RSPO2: variants seen among roughly 807,000 people sequenced by gnomAD.
The protein encoded by RSPO2 is R-spondin 2.
RSPO2 carries 14 observed loss-of-function variants against 30.9 expected under a neutral mutation model. The observed-to-expected ratio is 0.45, with a 90% confidence interval of 0.30 to 0.71. RSPO2 has a LOEUF of 0.71. RSPO2 is among the 30% of genes least tolerant of loss of function. The probability of loss-of-function intolerance (pLI) is 0.08; values close to 1 mark genes in which losing one functional copy is unlikely to be tolerated. For synonymous variants in RSPO2, 107 were observed against 96.4 expected, an observed-to-expected ratio of 1.11 and a Z score of -0.64; for missense variants, 264 against 301.9, an observed-to-expected ratio of 0.87 and a Z score of 0.93.
chr8:107,999,717 G>T (rs1815164553), intron 2 of RSPO2, among the ~76,000 whole-genome samples: 1 of 152,110 alleles, frequency 6.6e-6, no homozygotes, highest in African/African-American at 2.4e-5. Flanking sequence ...TTACAGGCAT[G>T]AGCCACCGTG....
At chr8:108,037,582 T>G (rs551911861) in intron 2 of RSPO2, among the ~76,000 whole-genome samples, 2 of 152,200 alleles carry the variant, frequency 1.3e-5, no homozygotes, top group South Asian at 4.1e-4. Flanking sequence ...TTTTTAAATG[T>G]AGATTAAAAA....
chr8:108,074,191 G>C (rs13256880), intron 2 of RSPO2, among the ~76,000 whole-genome samples: 4 of 151,952 alleles, frequency 2.6e-5, no homozygotes, highest in Non-Finnish European at 5.9e-5. Context: ...AGTGCTCTTA[G>C]TATCTTTCAG....
intron 2 of RSPO2, among the ~76,000 whole-genome samples, chr8:108,080,383 C>T (rs1813156561): frequency 6.6e-6 from 1 of 152,072 alleles, no homozygotes; most frequent in South Asian, 2.1e-4. Flanking sequence ...CCAATTTACA[C>T]GTTCTTGAAA....
chr8:107,902,505 G>C (rs889079241), intron 5 of RSPO2, among the ~76,000 whole-genome samples: 1 of 152,072 alleles, frequency 6.6e-6, no homozygotes, highest in East Asian at 1.9e-4. Flanking sequence ...CTATGGAGAA[G>C]GAGGCTGATG....
At position 107,920,802 on chromosome 8, in the gene RSPO2, A is replaced by G. The variant is rs529083715; in HGVS notation, c.617-19612T>C. ...ACTATGGGAATTTTCTATATTATCA[A>G]TTACAACTGGTACATACCTGTATAT... On this transcript the variant is annotated intron_variant, in intron 5 of 5. Coordinates refer to ENST00000276659, the MANE Select transcript of RSPO2 (RefSeq NM_178565.5). Among the ~76,000 whole-genome samples, 52 of 152,260 alleles carry G rather than the reference A, an allele frequency of 3.4e-4. 1 individual carries two copies. The highest frequency in any genetic ancestry group is 1.2e-3 in the African/African-American group (51 of 41,582).
chr8:107,930,774 C>T (rs1350618003), intron 5 of RSPO2, among the ~76,000 whole-genome samples: 1 of 152,156 alleles, frequency 6.6e-6, no homozygotes, highest in Non-Finnish European at 1.5e-5. Flanking sequence ...GAAAGGCACA[C>T]ACATACCACC....
At chr8:108,075,051 T>A (rs1365104453) in intron 2 of RSPO2, among the ~76,000 whole-genome samples, 1 of 152,224 alleles carries the variant, frequency 6.6e-6, no homozygotes, top group East Asian at 1.9e-4. Flanking sequence ...TGTACTTATA[T>A]TATTAATATG....
At chr8:108,060,715 T>A (rs1202599888) in intron 2 of RSPO2, among the ~76,000 whole-genome samples, 1 of 151,484 alleles carries the variant, frequency 6.6e-6, no homozygotes, top group African/African-American at 2.4e-5. Context: ...GGAGAGCAAC[T>A]CCAAGACACG....
At chr8:107,932,962 G>T in intron 5 of RSPO2, among the ~76,000 whole-genome samples, 1 of 152,126 alleles carries the variant, frequency 6.6e-6, no homozygotes, top group East Asian at 1.9e-4. Context: ...TAAGAAAGTG[G>T]CAAGAAGATA....
chr8:108,035,699 C>T (rs934602774), intron 2 of RSPO2, among the ~76,000 whole-genome samples: 2 of 152,068 alleles, frequency 1.3e-5, no homozygotes, highest in Admixed American at 6.6e-5. Context: ...TTTCGATCTC[C>T]TGACCTCATG....
intron 2 of RSPO2, among the ~76,000 whole-genome samples, chr8:108,023,498 G>C (rs774522938): frequency 6.6e-6 from 1 of 152,150 alleles, no homozygotes; most frequent in African/African-American, 2.4e-5. Flanking sequence ...TTTGATTTTC[G>C]ATTCAGAGTT....
In RSPO2 at chr8:107,901,209, AAGAAG is replaced by A; in HGVS notation, c.617-24_617-20del. The A allele has an allele frequency of 2.5e-6, 4 of 1,600,720 alleles. No individual in the cohort carries two copies. Among genetic ancestry groups the A allele is most frequent in the Middle Eastern group, 1.7e-4 (1 of 6,004 alleles). On this transcript the variant is annotated intron_variant, in intron 5 of 5. Coordinates refer to ENST00000276659, the MANE Select transcript of RSPO2 (RefSeq NM_178565.5). ...CTCTTCCCTGCAATGAAGGAAAGAA[AAGAAG>A]AGATGTCAGAAATGGCTCTTTCTCT...
At chr8:108,051,284 G>C (rs994384505) in intron 2 of RSPO2, among the ~76,000 whole-genome samples, 1 of 152,116 alleles carries the variant, frequency 6.6e-6, no homozygotes, top group African/African-American at 2.4e-5. Flanking sequence ...ACCAAGTTGA[G>C]ACTGAACATG....
chr8:107,901,942 C>G (rs1811485959), intron 5 of RSPO2, among the ~76,000 whole-genome samples: 1 of 152,194 alleles, frequency 6.6e-6, no homozygotes, highest in Non-Finnish European at 1.5e-5. Context: ...TGAGGTTTTC[C>G]TCCAGCAGGA....
At chr8:108,057,435 T>C (rs932796404) in intron 2 of RSPO2, among the ~76,000 whole-genome samples, 1 of 152,178 alleles carries the variant, frequency 6.6e-6, no homozygotes, top group African/African-American at 2.4e-5. Context: ...ATTTTGGGCT[T>C]ATATTCATTT....
chr8:107,940,317 T>G (rs199820741), intron 5 of RSPO2, among the ~76,000 whole-genome samples: 16 of 9,992 alleles, frequency 1.6e-3, no homozygotes, highest in Non-Finnish European at 3.2e-3. Context: ...GTGTGTTTTA[T>G]TAACAGACAC....
chr8:107,952,289 G>GCACACACA (rs60942015), intron 5 of RSPO2, among the ~76,000 whole-genome samples: 2 of 148,930 alleles, frequency 1.3e-5, no homozygotes, highest in African/African-American at 2.5e-5. Flanking sequence ...ACACACACAT[G>GCACACACA]CACACACACA....
At chr8:108,016,075 G>A (rs1378869662) in intron 2 of RSPO2, among the ~76,000 whole-genome samples, 3 of 152,174 alleles carry the variant, frequency 2.0e-5, no homozygotes, top group Admixed American at 6.5e-5. Context: ...AGGAGTGCAC[G>A]TCCTGAGGTT....
intron 2 of RSPO2, among the ~76,000 whole-genome samples, chr8:108,022,751 C>T (rs145482509): frequency 7.4e-4 from 112 of 151,986 alleles, no homozygotes; most frequent in African/African-American, 2.1e-3. Flanking sequence ...CATGGAGAAA[C>T]GCCATCTCTA....
Sources: gnomAD v4.1 joint callset for allele counts (sites outside exome capture counted in the v4.1 genomes callset) on GRCh38, gnomAD v4.1.1 for gene constraint, MANE v1.5 for transcripts, NCBI Gene and HGNC (gene_info 2026-07-23, HGNC 2026-07-21) for gene names.